Variants in RFX3 observed in about 807,000 individuals in gnomAD.
The protein encoded by RFX3 is regulatory factor X3.
Under a neutral mutation model 98.6 loss-of-function variants are expected in RFX3, and 14 were observed. The observed-to-expected ratio is 0.14, with a 90% CI of 0.09 to 0.22. RFX3 has a LOEUF of 0.22. Ranked by LOEUF, RFX3 falls within the 10% of genes least tolerant of loss-of-function variation. The pLI is 1.00. For missense variants in RFX3, 639 were observed against 926.9 expected, an observed-to-expected ratio of 0.69 and a Z score of 4.03; for synonymous variants, 383 against 328.4, an observed-to-expected ratio of 1.17 and a Z score of -1.80.
chr9:3,398,308 T>A (rs1481501994), intron 1 of RFX3, among the ~76,000 whole-genome samples: 1 of 151,716 alleles, frequency 6.6e-6, no homozygotes, highest in East Asian at 1.9e-4. Flanking sequence ...AGTCTGTGCC[T>A]CTTCCTCTTT....
intron 1 of RFX3, among the ~76,000 whole-genome samples, chr9:3,516,420 G>C (rs1818176292): frequency 6.6e-6 from 1 of 152,120 alleles, no homozygotes; most frequent in African/African-American, 2.4e-5. Context: ...TGCTACCAAA[G>C]CTGAATTAAA....
chr9:3,254,130 G>A (rs978602650), intron 14 of RFX3, among the ~76,000 whole-genome samples: 7 of 152,128 alleles, frequency 4.6e-5, no homozygotes, highest in East Asian at 1.9e-4. Flanking sequence ...GCAGGCAAGT[G>A]ATGATCTACT....
At position 3,267,658 on chromosome 9, in the gene RFX3, C is replaced by T. The variant is rs544128527; in HGVS notation, c.1358-1353G>A. ...CCACGAGGATCATCTACTGGAAACACTGAATTGGAAATTTCTTGAGAACTA... is the reference window on the plus strand; with the variant it reads ...CCACGAGGATCATCTACTGGAAACATTGAATTGGAAATTTCTTGAGAACTA... On this transcript the variant is annotated intron_variant, in intron 11 of 16. Transcript: ENST00000617270. 8.6e-5 allele frequency among the ~76,000 whole-genome samples: 13 copies of T among 151,946 alleles called. No homozygotes were observed. The South Asian group carries it at 2.7e-3, about 31-fold the overall frequency.
chr9:3,474,360 A>T (rs1849038848), intron 1 of RFX3, among the ~76,000 whole-genome samples: 1 of 152,306 alleles, frequency 6.6e-6, no homozygotes, highest in East Asian at 1.9e-4. Context: ...TTAACAGTCA[A>T]ACTACAAGAA....
intron 2 of RFX3, among the ~76,000 whole-genome samples, chr9:3,378,570 T>C (rs1170831502): frequency 6.7e-6 from 1 of 149,874 alleles, no homozygotes; most frequent in African/African-American, 2.5e-5. Context: ...TTTTTTTTTT[T>C]TTTGAGATGG....
At position 3,218,753 on chromosome 9, in the gene RFX3, T is replaced by G. The variant is rs905718740; in HGVS notation, c.*6289A>C. 1 of 152,124 alleles carries G rather than the reference T, an allele frequency of 6.6e-6. No individual in the cohort carries two copies. The highest frequency in any genetic ancestry group is 1.5e-5 in the Non-Finnish European group (1 of 68,010). The allele number at this position is 152,124 out of a possible 1,614,324, so 9.4% of individuals were successfully genotyped here. A position where few individuals can be genotyped will look rare whatever the true frequency, so the allele number is the denominator to read the frequency against. On this transcript the variant is annotated 3_prime_UTR_variant, in exon 17 of 17. Transcript: ENST00000617270. ...ACATTACATTATCTCACACATACAA[T>G]CTCTACAAAAGTTGCTTACCTCATT...
intron 4 of RFX3, among the ~76,000 whole-genome samples, chr9:3,326,621 A>G (rs1831951998): frequency 6.6e-6 from 1 of 152,128 alleles, no homozygotes; most frequent in South Asian, 2.1e-4. Flanking sequence ...TTGCTAAGGA[A>G]AATGGCCTCC....
At chr9:3,298,700 C>T (rs1028075823) in intron 5 of RFX3, among the ~76,000 whole-genome samples, 1 of 151,736 alleles carries the variant, frequency 6.6e-6, no homozygotes, top group African/African-American at 2.4e-5. Flanking sequence ...AAATTCAATA[C>T]CTCACCCCAT....
At chr9:3,291,038 G>C (rs1294130395) in intron 6 of RFX3, among the ~76,000 whole-genome samples, 1 of 152,100 alleles carries the variant, frequency 6.6e-6, no homozygotes, top group Non-Finnish European at 1.5e-5. Flanking sequence ...TCTTATTTTT[G>C]AAGACACAGG....
chr9:3,496,185 C>T lies in RFX3; in HGVS notation c.-9+29562G>A, dbSNP rs138025201. Among the ~76,000 whole-genome samples the T allele has an allele frequency of 9.8e-4, 149 of 152,018 alleles. 3 individuals are homozygous for T. The East Asian group carries it at 0.023, about 23-fold the overall frequency. ...AATTTTAAAGACAGGCTATTTAATA[C>T]GAGCCTCGTTGTATATATTTACTAA... On this transcript the variant is annotated intron_variant, in intron 1 of 16. Transcript: ENST00000617270.
chr9:3,334,722 A>C (rs1832967405), intron 3 of RFX3, among the ~76,000 whole-genome samples: 1 of 152,162 alleles, frequency 6.6e-6, no homozygotes. Flanking sequence ...TTAAGGAATG[A>C]AGTGTGATAA....
At chr9:3,472,287 C>T (rs537846885) in intron 1 of RFX3, among the ~76,000 whole-genome samples, 1 of 152,176 alleles carries the variant, frequency 6.6e-6, no homozygotes, top group South Asian at 2.1e-4. Context: ...AAACAGACCA[C>T]AGCTCAAATC....
intron 2 of RFX3, among the ~76,000 whole-genome samples, chr9:3,382,500 T>A (rs1839300503): frequency 6.6e-6 from 1 of 152,114 alleles, no homozygotes; most frequent in Non-Finnish European, 1.5e-5. Context: ...TCCTACTAAT[T>A]AAAACAAAAA....
intron 1 of RFX3, among the ~76,000 whole-genome samples, chr9:3,520,284 G>A (rs1587925543): frequency 6.6e-6 from 1 of 152,112 alleles, no homozygotes; most frequent in Non-Finnish European, 1.5e-5. Context: ...TGCCTTGTAA[G>A]CTTACTTTAT....
chr9:3,511,441 G>T (rs1054938860), intron 1 of RFX3, among the ~76,000 whole-genome samples: 2 of 151,768 alleles, frequency 1.3e-5, no homozygotes, highest in Admixed American at 1.3e-4. Context: ...CTAAGAGAAG[G>T]AACCTCCTCA....
At chr9:3,225,452 C>G (rs1817653772) in intron 16 of RFX3, among the ~76,000 whole-genome samples, 172 bp from the exon 17 acceptor site, 1 of 152,110 alleles carries the variant, frequency 6.6e-6, no homozygotes, top group Non-Finnish European at 1.5e-5. Flanking sequence ...CATATCAATG[C>G]TGTACTGATG....
intron 11 of RFX3, among the ~76,000 whole-genome samples, chr9:3,267,283 T>G (rs1823774575): frequency 6.6e-6 from 1 of 151,860 alleles, no homozygotes; most frequent in African/African-American, 2.4e-5. Context: ...CTTTGTAGGT[T>G]CTCTATAATG....
intron 3 of RFX3, among the ~76,000 whole-genome samples, chr9:3,332,612 C>T (rs769793705): frequency 6.6e-6 from 1 of 152,068 alleles, no homozygotes; most frequent in African/African-American, 2.4e-5. Flanking sequence ...AAAATAAAAC[C>T]GCTTAAAAAC....
chr9:3,307,806 G>A (rs1358313115), intron 4 of RFX3, among the ~76,000 whole-genome samples: 1 of 152,146 alleles, frequency 6.6e-6, no homozygotes, highest in African/African-American at 2.4e-5. Context: ...ATTAACAAGA[G>A]GCCTTGTGAC....
Sources: allele counts gnomAD v4.1 joint callset (sites outside exome capture counted in the v4.1 genomes callset), GRCh38; gene constraint gnomAD v4.1.1; transcripts MANE v1.5; gene names NCBI Gene and HGNC (gene_info 2026-07-23, HGNC 2026-07-21).